The following CRYM variants were observed in gnomAD, a reference collection of about 807,000 sequenced individuals.
CRYM encodes ketimine reductase mu-crystallin.
CRYM carries 18 observed loss-of-function variants against 32.9 expected under a neutral mutation model. That is an observed-to-expected ratio of 0.55 (90% confidence interval 0.38 to 0.81). The LOEUF is 0.81. Among genes scored for constraint, CRYM ranks in the 30% least tolerant of loss-of-function variants. CRYM has a pLI of 0.00. For missense variants in CRYM, 337 were observed against 393.5 expected (o/e 0.86, Z 1.21); for synonymous variants, 153 against 152.4 (o/e 1.00, Z -0.03).
At chr16:21,298,909 A>T (rs774143731) in intron 1 of CRYM, among the ~76,000 whole-genome samples, 9 of 152,248 alleles carry the variant, frequency 5.9e-5, no homozygotes, top group Non-Finnish European at 1.3e-4. Context: ...TTTTAATCCC[A>T]GTTAATTTCA....
chr16:21,285,084 G>A (rs1429918274), intron 1 of CRYM, among the ~76,000 whole-genome samples: 1 of 152,124 alleles, frequency 6.6e-6, no homozygotes, highest in East Asian at 1.9e-4. Context: ...TTTGAGAAAT[G>A]TTTGTTCCTT....
chr16:21,297,826 GA>G (rs1171416696), intron 1 of CRYM, among the ~76,000 whole-genome samples: 1 of 152,036 alleles, frequency 6.6e-6, no homozygotes, highest in Non-Finnish European at 1.5e-5. Context: ...CTGACTAGAT[GA>G]AAAAAATATT....
intron 3 of CRYM, among the ~76,000 whole-genome samples, chr16:21,271,129 G>A (rs1435773149): frequency 1.3e-5 from 2 of 152,116 alleles, no homozygotes; most frequent in African/African-American, 4.8e-5. Context: ...TATTGGGGAG[G>A]GGCACCAACC....
intron 1 of CRYM, among the ~76,000 whole-genome samples, chr16:21,285,063 G>A (rs747028163): frequency 2.0e-5 from 3 of 152,040 alleles, no homozygotes; most frequent in African/African-American, 4.8e-5. Flanking sequence ...TTGGTTACTC[G>A]TATGTCTTCT....
chr16:21,286,626 T>A (rs6497546), intron 1 of CRYM, among the ~76,000 whole-genome samples: 39,832 of 152,072 alleles, frequency 0.26, 5,507 homozygotes, highest in African/African-American at 0.35. Flanking sequence ...ATATCAGAAT[T>A]GTAGGAATTT....
intron 1 of CRYM, among the ~76,000 whole-genome samples, chr16:21,285,751 T>C (rs901625286): frequency 6.6e-6 from 1 of 152,214 alleles, no homozygotes; most frequent in African/African-American, 2.4e-5. Flanking sequence ...AGAAATCCAG[T>C]AGTGAGAAAG....
chr16:21,297,689 C>T (rs532126214), intron 1 of CRYM, among the ~76,000 whole-genome samples: 1 of 152,200 alleles, frequency 6.6e-6, no homozygotes, highest in Admixed American at 6.5e-5. Flanking sequence ...GGGATATGTG[C>T]CATGTGAGTG....
At chr16:21,279,327 C>A (rs1448092909), upstream of CRYM, among the ~76,000 whole-genome samples, 1 of 152,194 alleles carries the variant, frequency 6.6e-6, no homozygotes, top group African/African-American at 2.4e-5. Context: ...CAAGGTCATC[C>A]ACCAAGTCAG....
intron 5 of CRYM, among the ~76,000 whole-genome samples, chr16:21,263,498 T>G (rs1484574743): frequency 6.6e-6 from 1 of 152,128 alleles, no homozygotes; most frequent in Non-Finnish European, 1.5e-5. Flanking sequence ...CACAGACGCC[T>G]GCCACTATGC....
intron 1 of CRYM, among the ~76,000 whole-genome samples, chr16:21,301,559 C>T (rs1271251174): frequency 6.6e-6 from 1 of 152,090 alleles, no homozygotes; most frequent in Non-Finnish European, 1.5e-5. Flanking sequence ...ACTGGAGCTG[C>T]GGGATAATAG....
At chr16:21,301,729 C>A (rs553696968) in intron 1 of CRYM, among the ~76,000 whole-genome samples, 1 of 152,248 alleles carries the variant, frequency 6.6e-6, no homozygotes, top group Non-Finnish European at 1.5e-5. Context: ...GCCCCCAGCC[C>A]TAGTGCAGCC....
At chr16:21,276,671 C>T (rs988364059) in intron 2 of CRYM, among the ~76,000 whole-genome samples, 8 of 152,270 alleles carry the variant, frequency 5.3e-5, no homozygotes, top group Non-Finnish European at 1.0e-4. Flanking sequence ...TGATCAGCGT[C>T]TCCTTCTTGG....
intron 1 of CRYM, among the ~76,000 whole-genome samples, chr16:21,284,524 T>G (rs1022028177): frequency 1.3e-5 from 2 of 152,160 alleles, no homozygotes; most frequent in African/African-American, 4.8e-5. Context: ...ACTTTTTTGT[T>G]TGTGGATTTG....
At chr16:21,262,479 C>T (rs1597613355) in intron 5 of CRYM, 1 of 357,500 alleles carries the variant, frequency 2.8e-6, no homozygotes, top group Non-Finnish European at 5.5e-6. Flanking sequence ...ATTATCCAGG[C>T]GTGGTGGCTC....
At chr16:21,302,355 A>G (rs1275527202) in intron 1 of CRYM, among the ~76,000 whole-genome samples, 1 of 152,230 alleles carries the variant, frequency 6.6e-6, no homozygotes, top group East Asian at 1.9e-4. Flanking sequence ...TTGCGAGAAC[A>G]TGTTAAGTGT....
rs780422038 is a variant in CRYM, at chr16:21,261,343, G to C, written c.796-5C>G. ...CAGCTCAGCAAAGATCTCGGCCTAG[G>C]AAACAAACATACGCTGACCCAGGCA... On this transcript the variant is annotated splice_polypyrimidine_tract_variant and splice_region_variant and intron_variant, in intron 6 of 7. Coordinates refer to ENST00000572914, the MANE Select transcript of CRYM (RefSeq NM_001376256.1). The C allele has an allele frequency of 3.1e-6, 5 of 1,613,206 alleles. No individual in the cohort carries two copies. The Admixed American group carries it at 8.3e-5, about 27-fold the overall frequency.
intron 1 of CRYM, among the ~76,000 whole-genome samples, chr16:21,291,762 T>C (rs1960662279): frequency 1.3e-5 from 2 of 152,186 alleles, no homozygotes; most frequent in African/African-American, 2.4e-5. Flanking sequence ...ATTGTTGAAT[T>C]GGTCTTTTTT....
At chr16:21,271,890 G>A (rs952514225) in intron 3 of CRYM, among the ~76,000 whole-genome samples, 12 of 150,962 alleles carry the variant, frequency 7.9e-5, no homozygotes, top group African/African-American at 2.2e-4. Context: ...AGACAGTCTC[G>A]CTTTGTCGCC....
chr16:21,278,389 G>T, upstream of CRYM: 1 of 1,043,880 alleles, frequency 9.6e-7, no homozygotes. Flanking sequence ...GAGCAACCCC[G>T]CCCCGCCCCG....
Sources: gnomAD v4.1 joint callset for allele counts (sites outside exome capture counted in the v4.1 genomes callset) on GRCh38, gnomAD v4.1.1 for gene constraint, MANE v1.5 for transcripts, NCBI Gene and HGNC (gene_info 2026-07-23, HGNC 2026-07-21) for gene names.